The following HPSE variants were observed in gnomAD, a reference collection of about 807,000 sequenced individuals.
HPSE encodes heparanase.
HPSE carries 48 observed loss-of-function variants against 65.1 expected under a neutral mutation model. The observed-to-expected ratio is 0.74, with a 90% CI of 0.58 to 0.94. The LOEUF (loss-of-function observed/expected upper bound fraction) is 0.94, where lower values mean the gene tolerates loss of function less well. HPSE is among the 40% of genes least tolerant of loss of function. The pLI, the probability that HPSE is intolerant of heterozygous loss-of-function variation, is 0.00. For synonymous variants in HPSE, 243 were observed against 260.0 expected (o/e 0.93, Z 0.63); for missense variants, 644 against 637.5 (o/e 1.01, Z -0.11).
At chr4:83,331,065 G>C (rs542646943) in intron 1 of HPSE, among the ~76,000 whole-genome samples, 25 of 152,084 alleles carry the variant, frequency 1.6e-4, no homozygotes, top group Non-Finnish European at 3.4e-4. Flanking sequence ...TTAGCCAGGC[G>C]TGGTGGTGCA....
chr4:83,316,727 T>C (rs1736659962), intron 3 of HPSE, among the ~76,000 whole-genome samples: 1 of 152,220 alleles, frequency 6.6e-6, no homozygotes, highest in African/African-American at 2.4e-5. Context: ...GTAACACTGC[T>C]TCCTTTTCCT....
chr4:83,320,267 T>G (rs2126193847), intron 2 of HPSE, among the ~76,000 whole-genome samples: 1 of 152,140 alleles, frequency 6.6e-6, no homozygotes, highest in Non-Finnish European at 1.5e-5. Context: ...CATGTGCACT[T>G]GAAAAAATCC....
chr4:83,334,851 C>T, upstream of HPSE: 1 of 1,440,154 alleles, frequency 6.9e-7, no homozygotes, highest in Non-Finnish European at 9.1e-7. Flanking sequence ...CTAGCACTTC[C>T]TCCCGCCGAG....
intron 4 of HPSE, among the ~76,000 whole-genome samples, chr4:83,312,332 T>C (rs1044973643): frequency 6.6e-6 from 1 of 152,184 alleles, no homozygotes; most frequent in African/African-American, 2.4e-5. Flanking sequence ...AAAAGTTGCA[T>C]TGTTGAGCAC....
chr4:83,331,891 A>T (rs995967183), intron 1 of HPSE, among the ~76,000 whole-genome samples: 3 of 152,162 alleles, frequency 2.0e-5, no homozygotes, highest in Non-Finnish European at 4.4e-5. Context: ...TTTTATGGGC[A>T]CTATTATCTC....
intron 3 of HPSE, among the ~76,000 whole-genome samples, chr4:83,315,122 C>T (rs897482924): frequency 6.8e-6 from 1 of 147,558 alleles, no homozygotes; most frequent in African/African-American, 2.5e-5. Context: ...CACTGCACTG[C>T]AGCCTGGGTA....
At chr4:83,301,359 G>T (rs765271774) in intron 10 of HPSE, among the ~76,000 whole-genome samples, 1 of 152,148 alleles carries the variant, frequency 6.6e-6, no homozygotes, top group South Asian at 2.1e-4. Context: ...CTGGGCTAGA[G>T]CACACTGAGA....
In HPSE at chr4:83,295,505, T is replaced by G; in HGVS notation, c.1473-2A>C. ...GTTAGACCATTGAGTTGGACAGATC[T>G]GCAAAGGAGAAAGATACACCGAGTT... is the stretch of plus-strand genomic sequence containing the variant. On this transcript the variant is annotated splice_acceptor_variant, in intron 11 of 11. Coordinates refer to ENST00000311412, the MANE Select transcript of HPSE (RefSeq NM_001098540.3). LOFTEE classifies it high-confidence loss of function. 2.5e-6 allele frequency: 4 copies of G among 1,576,028 alleles called. No individual in the cohort carries two copies. The highest frequency in any genetic ancestry group is 3.5e-6 in the Non-Finnish European group (4 of 1,156,102).
rs371488399 is a variant in HPSE, at chr4:83,334,010, C to CT, written c.227+545dup. Among the ~76,000 whole-genome samples, 794 of 152,296 alleles carry CT rather than the reference C, an allele frequency of 5.2e-3. 5 individuals are homozygous for CT. Among genetic ancestry groups the CT allele is most frequent in the Non-Finnish European group, 9.3e-3 (632 of 68,036 alleles). On this transcript the variant is annotated intron_variant, in intron 1 of 11. Coordinates refer to ENST00000311412, the MANE Select transcript of HPSE (RefSeq NM_001098540.3). ...GGTGCACCTGCCTGGTTTCCCTCCT[C>CT]TTGGCTAGGGAAGTACTGGGGCAAG...
At chr4:83,333,441 G>A (rs1247753211) in intron 1 of HPSE, among the ~76,000 whole-genome samples, 7 of 152,142 alleles carry the variant, frequency 4.6e-5, no homozygotes, top group Non-Finnish European at 7.3e-5. Flanking sequence ...ATTAGCGCTG[G>A]CAACTATAGT....
At chr4:83,321,062 G>C (rs1348490499) in intron 2 of HPSE, among the ~76,000 whole-genome samples, 1 of 152,118 alleles carries the variant, frequency 6.6e-6, no homozygotes, top group Non-Finnish European at 1.5e-5. Context: ...GCTGGGTGTG[G>C]TGACATGCAC....
At chr4:83,316,384 TA>T (rs1386429064) in intron 3 of HPSE, among the ~76,000 whole-genome samples, 1 of 151,786 alleles carries the variant, frequency 6.6e-6, no homozygotes, top group African/African-American at 2.4e-5. Flanking sequence ...GCCTACTCCT[TA>T]CTCAAAATAC....
intron 1 of HPSE, among the ~76,000 whole-genome samples, chr4:83,331,076 T>C (rs57421406): frequency 0.029 from 4,458 of 152,204 alleles, 234 homozygotes; most frequent in African/African-American, 0.1. Context: ...TGGTGGTGCA[T>C]GCCTCTAGTC....
chr4:83,321,728 T>C (rs959645617), intron 2 of HPSE, among the ~76,000 whole-genome samples: 6 of 152,204 alleles, frequency 3.9e-5, no homozygotes, highest in African/African-American at 1.4e-4. Context: ...CCACAGCCTT[T>C]CAATATCAGA....
intron 11 of HPSE, 143 bp from the exon 12 acceptor site, chr4:83,295,646 A>G (rs1560501923): frequency 1.9e-6 from 1 of 532,408 alleles, no homozygotes; most frequent in Non-Finnish European, 3.3e-6. Context: ...TCAACACTAT[A>G]TCACTTAGGC....
At chr4:83,300,106 C>T (rs12499092) in intron 11 of HPSE, among the ~76,000 whole-genome samples, 96,581 of 152,088 alleles carry the variant, frequency 0.64, 32,172 homozygotes, top group East Asian at 0.87. Context: ...CCTAACTCTT[C>T]AAGACTCATA....
chr4:83,312,677 C>CA lies in HPSE; in HGVS notation c.673+436dup, dbSNP rs148023447. Among the ~76,000 whole-genome samples the CA allele has an allele frequency of 2.2e-3, 214 of 97,200 alleles. 2 individuals are homozygous for CA. The highest frequency in any genetic ancestry group is 7.3e-3 in the African/African-American group (175 of 23,900). 63.8% of individuals were successfully genotyped at this position (97,200 alleles called of 152,430 possible). A position where few individuals can be genotyped will look rare whatever the true frequency, so the allele number is the denominator to read the frequency against. ...TGGGCGACAGAGCGAGACTCCGTCT[C>CA]AAAAAAAAAAAAAAAAAAGTGTCAT... is the stretch of plus-strand genomic sequence containing the variant. On this transcript the variant is annotated intron_variant, in intron 4 of 11. Transcript: ENST00000311412.
chr4:83,328,354 T>C (rs1303966765), intron 1 of HPSE, among the ~76,000 whole-genome samples: 12 of 152,198 alleles, frequency 7.9e-5, no homozygotes, highest in Admixed American at 5.2e-4. Flanking sequence ...TCTCCCTATG[T>C]GCGTGTCTGT....
intron 1 of HPSE, among the ~76,000 whole-genome samples, chr4:83,330,436 A>T (rs1211725538): frequency 1.3e-5 from 2 of 152,194 alleles, no homozygotes; most frequent in Non-Finnish European, 2.9e-5. Context: ...AGGAGACATG[A>T]GGTGTGTGAT....
Sources: gnomAD v4.1 joint callset for allele counts (sites outside exome capture counted in the v4.1 genomes callset) on GRCh38, gnomAD v4.1.1 for gene constraint, MANE v1.5 for transcripts, NCBI Gene and HGNC (gene_info 2026-07-23, HGNC 2026-07-21) for gene names.